The following STOX2 variants were observed in gnomAD, a reference collection of about 807,000 sequenced individuals.
STOX2 encodes storkhead-box protein 2.
STOX2 carries 28 observed loss-of-function variants against 60.9 expected under a neutral mutation model. The ratio of observed to expected loss-of-function variants is 0.46; its 90% CI spans 0.34 to 0.63. STOX2 has a LOEUF of 0.63. STOX2 is among the 30% of genes least tolerant of loss of function. STOX2 has a pLI of 0.01. For missense variants in STOX2, 1,024 were observed against 1,187.7 expected (o/e 0.86, Z 2.03); for synonymous variants, 472 against 463.9 (o/e 1.02, Z -0.22).
At chr4:183,923,838 G>A (rs917180497) in intron 1 of STOX2, among the ~76,000 whole-genome samples, 51 of 152,154 alleles carry the variant, frequency 3.4e-4, no homozygotes, top group African/African-American at 1.2e-3. Flanking sequence ...GGCTGCATTC[G>A]GCAGGGTCAG....
At chr4:183,936,925 T>C (rs2309944) in intron 1 of STOX2, among the ~76,000 whole-genome samples, 48,882 of 152,156 alleles carry the variant, frequency 0.32, 8,114 homozygotes, top group East Asian at 0.48. Context: ...GAGATATAAT[T>C]TGGTGGGCAG....
intron 1 of STOX2, among the ~76,000 whole-genome samples, chr4:183,975,917 C>T (rs1298577839): frequency 6.6e-6 from 1 of 152,128 alleles, no homozygotes; most frequent in Non-Finnish European, 1.5e-5. Flanking sequence ...ATGCAGAAAT[C>T]CTTCACAAAA....
intron 1 of STOX2, among the ~76,000 whole-genome samples, chr4:183,984,310 G>A (rs1006050232): frequency 7.2e-5 from 11 of 152,104 alleles, no homozygotes; most frequent in Non-Finnish European, 1.5e-4. Flanking sequence ...TTTCGACCCC[G>A]GTTCTTTTCT....
chr4:183,894,231 G>A (rs1741291892), intron 1 of STOX2, among the ~76,000 whole-genome samples: 1 of 152,174 alleles, frequency 6.6e-6, no homozygotes. Flanking sequence ...GGAAGCTACT[G>A]CGAACTACAG....
chr4:183,977,644 T>G (rs1439042222), intron 1 of STOX2, among the ~76,000 whole-genome samples: 1 of 152,080 alleles, frequency 6.6e-6, no homozygotes, highest in East Asian at 1.9e-4. Flanking sequence ...AGTGGTGCAA[T>G]AAACATACAA....
intron 1 of STOX2, among the ~76,000 whole-genome samples, chr4:183,870,956 T>C (rs1052015393): frequency 9.9e-5 from 15 of 152,232 alleles, no homozygotes; most frequent in African/African-American, 3.6e-4. Context: ...TCCTGAAAGT[T>C]AAACTTAAGA....
rs533353478 is a variant in STOX2 at position 183,799,217 on chromosome 4, G to C, written c.364+1162G>C. Among the ~76,000 whole-genome samples the C allele has an allele frequency of 3.9e-5, 6 of 152,288 alleles. No individual in the cohort carries two copies. In the East Asian group the frequency reaches 1.2e-3, roughly 29 times the overall value. ...CTTTACAAAGCTTTCTTTGACTTGA[G>C]TAGACAAAAAGCTAGTAAAGCTTGC... On this transcript the variant is annotated intron_variant, in intron 1 of 2. Coordinates refer to the STOX2 transcript ENST00000513034.
Position 184,009,194 on chromosome 4 carries a change from C to A in STOX2, c.356C>A (p.Thr119Lys). ...PTPSQEILRH[T>K]LNTLVRERKI... ...CCAAGCCAAGAAATTCTGCGGCACA[C>A]GCTGAACACGCTGGTACGGGAGAGG... The change falls in exon 3 of 4, where the codon ACG becomes AAG. Residue 119 changes from threonine (T) to lysine (K), a missense_variant. By Grantham distance (78) the Thr-to-Lys change is moderately conservative. Around this residue, in one of 3 missense-constraint regions of STOX2, gnomAD observed 922 missense variants for 1,058.3 expected, o/e 0.87. Transcript: ENST00000308497. This position sits in a 1 kb window ranked among gnomAD's most constrained non-coding sequence, Gnocchi z 4.0. 3 of 1,458,782 alleles carry A rather than the reference C, an allele frequency of 2.1e-6. No individual in the cohort carries two copies. The highest frequency in any genetic ancestry group is 2.8e-6 in the Non-Finnish European group (3 of 1,083,930). The allele number at this position is 1,458,782 out of a possible 1,614,324, so 90.4% of individuals were successfully genotyped here.
At chr4:183,819,934 G>A (rs535931337) in intron 1 of STOX2, among the ~76,000 whole-genome samples, 1 of 152,306 alleles carries the variant, frequency 6.6e-6, no homozygotes, top group South Asian at 2.1e-4. Flanking sequence ...TAGTTTTACA[G>A]TACAGTTGAG....
intron 1 of STOX2, among the ~76,000 whole-genome samples, chr4:183,807,148 A>G (rs376533525): frequency 4.0e-5 from 6 of 151,774 alleles, no homozygotes; most frequent in African/African-American, 7.3e-5. Flanking sequence ...AATTTTTAGT[A>G]TTTTTAGTAG....
chr4:183,814,160 T>C (rs537999339), intron 1 of STOX2, among the ~76,000 whole-genome samples: 1 of 152,270 alleles, frequency 6.6e-6, no homozygotes, highest in South Asian at 2.1e-4. Context: ...AAATATTAGG[T>C]AAATTATGGT....
rs1734424288 is a variant in STOX2, at chr4:184,017,445, C to A, written c.*161C>A. ...GGGCTAGGGCAAAAAAACAAAAAAT[C>A]TTTATTTCAGAGTATTGCTTTTCAC... is the stretch of plus-strand genomic sequence containing the variant. On this transcript the variant is annotated 3_prime_UTR_variant, in exon 4 of 4. Coordinates refer to ENST00000308497, the MANE Select transcript of STOX2 (RefSeq NM_020225.3). The A allele has an allele frequency of 1.6e-6, 1 of 634,698 alleles. No individual in the cohort carries two copies. Among genetic ancestry groups the A allele is most frequent in the Non-Finnish European group, 2.6e-6 (1 of 380,394 alleles). The allele number at this position is 634,698 out of a possible 1,614,324, so 39.3% of individuals were successfully genotyped here.
intron 1 of STOX2, among the ~76,000 whole-genome samples, chr4:183,982,384 T>C (rs1020968355): frequency 5.3e-5 from 8 of 152,360 alleles, no homozygotes; most frequent in African/African-American, 1.9e-4. Context: ...CCCAATTTAA[T>C]TGAAATGGTT....
At chr4:183,991,460 C>G (rs1409618184) in intron 1 of STOX2, among the ~76,000 whole-genome samples, 1 of 147,566 alleles carries the variant, frequency 6.8e-6, no homozygotes. Context: ...CGGAGTCTTT[C>G]CTTGTTTCCC....
At chr4:183,798,078 C>T in intron 1 of STOX2, 2 of 1,226,132 alleles carry the variant, frequency 1.6e-6, no homozygotes, top group Non-Finnish European at 2.0e-6. Flanking sequence ...GCCGCGCGCC[C>T]GTCCCGTCCC....
chr4:183,835,278 G>A (rs1265255983), intron 1 of STOX2, among the ~76,000 whole-genome samples: 2 of 149,990 alleles, frequency 1.3e-5, no homozygotes, highest in African/African-American at 4.9e-5. Context: ...AGGCTGGAGT[G>A]CAGTGGCGCA....
chr4:183,864,119 GAAAAAA>G (rs1026739024), intron 1 of STOX2, among the ~76,000 whole-genome samples: 1 of 151,704 alleles, frequency 6.6e-6, no homozygotes, highest in African/African-American at 2.4e-5. Flanking sequence ...TAGGTTCTCA[GAAAAAA>G]AAGTTTTGAA....
intron 1 of STOX2, among the ~76,000 whole-genome samples, chr4:183,914,058 G>A (rs1741860970): frequency 6.6e-6 from 1 of 152,020 alleles, no homozygotes. Flanking sequence ...ATTCAACTAG[G>A]TACTACCCAG....
At chr4:183,931,938 T>G (rs982960209) in intron 1 of STOX2, among the ~76,000 whole-genome samples, 5 of 151,986 alleles carry the variant, frequency 3.3e-5, no homozygotes, top group Non-Finnish European at 7.4e-5. Context: ...AGAGAAGGAT[T>G]GGAGCGGGCA....
Sources: gnomAD v4.1 joint callset for allele counts (sites outside exome capture counted in the v4.1 genomes callset) on GRCh38, gnomAD v4.1.1 for gene constraint, gnomAD v4.1.1 regional missense constraint, Gnocchi (gnomAD v3.1) non-coding constraint, MANE v1.5 for transcripts, NCBI Gene and HGNC (gene_info 2026-07-23, HGNC 2026-07-21) for gene names.